ZNF878: variants seen among roughly 807,000 people sequenced by gnomAD.
ZNF878 encodes zinc finger protein 878.
ZNF878 carries 10 observed loss-of-function variants against 11.1 expected under a neutral mutation model. The ratio of observed to expected loss-of-function variants is 0.90; its 90% CI spans 0.56 to 1.53. The LOEUF is 1.53. Among genes scored for constraint, ZNF878 ranks in the 40% most tolerant of loss-of-function variants. The probability of loss-of-function intolerance (pLI) is 0.00; values close to 1 mark genes in which losing one functional copy is unlikely to be tolerated. For missense variants in ZNF878, 548 were observed against 626.1 expected (o/e 0.88, Z 1.33); for synonymous variants, 165 against 209.7 (o/e 0.79, Z 1.84).
Position 12,052,953 on chromosome 19 carries a change from C to T in ZNF878, c.-152G>A. 1.5e-6 allele frequency: 2 copies of T among 1,341,100 alleles called. No homozygotes were observed. The highest frequency in any genetic ancestry group is 2.0e-6 in the Non-Finnish European group (2 of 991,040). 83.1% of individuals were successfully genotyped at this position (1,341,100 alleles called of 1,614,324 possible). A position where few individuals can be genotyped will look rare whatever the true frequency, so the allele number is the denominator to read the frequency against. ...CCAGACCTTAACTAGCGCGAGCAGC[C>T]CTAGGAGTGAAGAGAGCGGGAATGC... On this transcript the variant is annotated 5_prime_UTR_variant, in exon 1 of 4. Coordinates refer to ENST00000547628, the MANE Select transcript of ZNF878 (RefSeq NM_001080404.3).
intron 3 of ZNF878, 38 bp from the exon 4 acceptor site, chr19:12,045,247 CTAATTT>C: frequency 1.4e-6 from 2 of 1,479,304 alleles, no homozygotes; most frequent in East Asian, 4.6e-5. Flanking sequence ...GGGTTTATCA[CTAATTT>C]TAATTCCTTT....
chr19:12,052,758 C>G (rs959136561), intron 1 of ZNF878, 41 bp downstream of exon 1: 4 of 1,535,402 alleles, frequency 2.6e-6, no homozygotes, highest in Non-Finnish European at 3.5e-6. Context: ...TCCACCCAGT[C>G]CCTCCTTTCG....
At chr19:12,051,095 CAA>C (rs370628123) in intron 1 of ZNF878, among the ~76,000 whole-genome samples, 5 of 37,208 alleles carry the variant, frequency 1.3e-4, no homozygotes, top group Middle Eastern at 0.015. Context: ...GACTCCGTCT[CAA>C]AAAAAAAAAA....
intron 1 of ZNF878, 78 bp downstream of exon 1, chr19:12,052,721 G>A: frequency 6.6e-7 from 1 of 1,520,362 alleles, no homozygotes; most frequent in South Asian, 1.2e-5. Flanking sequence ...GGGGGCCCGG[G>A]CCCCGCCACA....
intron 1 of ZNF878, among the ~76,000 whole-genome samples, chr19:12,048,145 C>T (rs1975512721): frequency 6.6e-6 from 1 of 152,168 alleles, no homozygotes; most frequent in Non-Finnish European, 1.5e-5. Context: ...TTTGGTATAA[C>T]ATGAAAGGTA....
At chr19:12,043,733 A>G, downstream of ZNF878, 1 of 1,402,250 alleles carries the variant, frequency 7.1e-7, no homozygotes, top group Non-Finnish European at 9.6e-7. Flanking sequence ...CTCTGCAGTG[A>G]ATCCTTCCGT....
intron 1 of ZNF878, among the ~76,000 whole-genome samples, chr19:12,047,942 A>G (rs1975510833): frequency 6.6e-6 from 1 of 152,184 alleles, no homozygotes; most frequent in Non-Finnish European, 1.5e-5. Context: ...TTTTCCCCCA[A>G]TATGTGAGAA....
chr19:12,052,696 C>A, intron 1 of ZNF878, 103 bp downstream of exon 1: 1 of 1,429,288 alleles, frequency 7.0e-7, no homozygotes, highest in Non-Finnish European at 9.4e-7. Context: ...TGTCTGGAGC[C>A]CAGAGTCGCT....
chr19:12,052,754 C>G, intron 1 of ZNF878, 45 bp downstream of exon 1: 1 of 1,535,312 alleles, frequency 6.5e-7, no homozygotes, highest in Non-Finnish European at 8.7e-7. Context: ...CGGTTCCACC[C>G]AGTCCCTCCT....
rs192811163 is a variant in ZNF878 at position 12,052,292 on chromosome 19, C to G, written c.3+507G>C. Among the ~76,000 whole-genome samples, 131 of 152,296 alleles carry G rather than the reference C, an allele frequency of 8.6e-4. 3 individuals are homozygous for G. The South Asian group carries it at 0.011, about 13-fold the overall frequency. On this transcript the variant is annotated intron_variant, in intron 1 of 3. Transcript: ENST00000547628. The stretch of plus-strand genomic sequence containing the variant: ...CTATTCGGCTCAGAATAAACTTATT[C>G]TACACGATTTGGGTTTTTCCGTTAC...
intron 1 of ZNF878, among the ~76,000 whole-genome samples, chr19:12,051,845 TGCAGTGA>T (rs1975555010): frequency 6.6e-6 from 1 of 152,240 alleles, no homozygotes; most frequent in East Asian, 1.9e-4. Context: ...AGGCGGAGGT[TGCAGTGA>T]GCCGAGATGG....
chr19:12,048,813 A>G (rs532553166), intron 1 of ZNF878, among the ~76,000 whole-genome samples: 1 of 149,928 alleles, frequency 6.7e-6, no homozygotes, highest in African/African-American at 2.5e-5. Flanking sequence ...AGCTTGGGCA[A>G]CAGAGCAAGA....
In ZNF878 at chr19:12,046,437, C is replaced by G; in HGVS notation, c.131-9G>C. The G allele has an allele frequency of 1.3e-6, 2 of 1,572,358 alleles. No individual in the cohort carries two copies. Among genetic ancestry groups the G allele is most frequent in the Admixed American group, 1.9e-5 (1 of 52,728 alleles). ...GTTGTTCCATTTTTTTCCTAAAATG[C>G]GGACCCAGAAAAATAGTCCTGAATT... On this transcript the variant is annotated splice_polypyrimidine_tract_variant and intron_variant, in intron 2 of 3. Transcript: ENST00000547628.
intron 1 of ZNF878, among the ~76,000 whole-genome samples, chr19:12,047,085 T>G (rs1975500847): frequency 6.6e-6 from 1 of 151,760 alleles, no homozygotes; most frequent in South Asian, 2.1e-4. Context: ...CTTAACAAAC[T>G]CCTTTGAATT....
At position 12,045,225 on chromosome 19, in the gene ZNF878, G is replaced by A. The variant is rs1198746156; in HGVS notation, c.192-16C>T. The stretch of plus-strand genomic sequence containing the variant: ...TATAAGTCTTCTGTGAACAATGAAA[G>A]CACATTATAATGGGTTTATCACTAA... On this transcript the variant is annotated splice_polypyrimidine_tract_variant and intron_variant, in intron 3 of 3. Transcript: ENST00000547628. The A allele has an allele frequency of 6.4e-7, 1 of 1,564,708 alleles. No individual in the cohort carries two copies. The highest frequency in any genetic ancestry group is 1.9e-5 in the Admixed American group (1 of 51,750).
At position 12,046,385 on chromosome 19, in the gene ZNF878, AT is replaced by A; in HGVS notation, c.173del (p.Asn58IlefsTer6). 1.3e-6 allele frequency: 2 copies of A among 1,575,014 alleles called. No individual in the cohort carries two copies. Among genetic ancestry groups the A allele is most frequent in the Non-Finnish European group, 1.7e-6 (2 of 1,159,056 alleles). ...NNQYIEDEHQNPRRNLRRLIG... is the reference protein window; with the variant it reads ...NNQYIEDEHQXPRRNLRRLIG... ...CCAGTTACCTTAGGTTTCTCCTAGG[AT>A]TTTGGTGCTCATCTTCAATGTACTG... On this transcript the variant is annotated frameshift_variant, in exon 3 of 4. Transcript: ENST00000547628. LOFTEE classifies it low-confidence loss of function (END_TRUNC).
chr19:12,050,694 AT>A (rs1343320913), intron 1 of ZNF878, among the ~76,000 whole-genome samples: 11 of 152,202 alleles, frequency 7.2e-5, no homozygotes, highest in African/African-American at 2.4e-4. Context: ...TTAAGGATTG[AT>A]TTCATTATAG....
At chr19:12,046,493 T>C in intron 2 of ZNF878, 65 bp from the exon 3 acceptor site, 1 of 1,560,836 alleles carries the variant, frequency 6.4e-7, no homozygotes, top group South Asian at 1.2e-5. Context: ...AGTTACTTGA[T>C]TCTATGTCCA....
Position 12,044,142 on chromosome 19 carries a change from T to C in ZNF878, c.1259A>G (p.Glu420Gly). ...ACATTGCTTACATCCATAGGGTTTC[T>C]CTCCTGTGTGAGTTCGTATGTGCTT... ...LQKHIRTHTG[E>G]KPYGCKQCGK... The change falls in exon 4 of 4, where the codon GAG becomes GGG. Residue 420 changes from glutamate to glycine, a missense_variant. Glu to Gly is a moderately conservative substitution (Grantham distance 98). Transcript: ENST00000547628. The C allele has an allele frequency of 6.2e-7, 1 of 1,613,986 alleles. No individual in the cohort carries two copies. The highest frequency in any genetic ancestry group is 8.5e-7 in the Non-Finnish European group (1 of 1,179,974).
Sources: gnomAD v4.1 joint callset for allele counts (sites outside exome capture counted in the v4.1 genomes callset) on GRCh38, gnomAD v4.1.1 for gene constraint, MANE v1.5 for transcripts, NCBI Gene and HGNC (gene_info 2026-07-23, HGNC 2026-07-21) for gene names.